Variants in EXOC4 observed in about 807,000 individuals in gnomAD.
EXOC4 encodes exocyst complex component 4, also known as SEC8-like 1.
A neutral mutation model predicts 107.2 loss-of-function variants in EXOC4; 71 were observed. The ratio of observed to expected loss-of-function variants is 0.66; its 90% CI spans 0.55 to 0.81. The LOEUF (loss-of-function observed/expected upper bound fraction) is 0.81, where lower values mean the gene tolerates loss of function less well. Among genes scored for constraint, EXOC4 ranks in the 30% least tolerant of loss-of-function variants. The pLI is 0.00. For missense variants in EXOC4, 1,108 were observed against 1,189.6 expected (o/e 0.93, Z 1.01); for synonymous variants, 456 against 441.2 (o/e 1.03, Z -0.42).
chr7:133,874,246 C>G (rs1798805354), intron 11 of EXOC4, among the ~76,000 whole-genome samples: 1 of 152,182 alleles, frequency 6.6e-6, no homozygotes, highest in South Asian at 2.1e-4. Context: ...CTCCTGTTGG[C>G]TAGCTATTTG....
chr7:133,488,245 CAGT>C lies in EXOC4; in HGVS notation c.1417+8110_1417+8112del, dbSNP rs199887334. Among the ~76,000 whole-genome samples the C allele has an allele frequency of 7.1e-3, 1,085 of 152,110 alleles. 31 individuals carry two copies. In the East Asian group the frequency reaches 0.12, roughly 17 times the overall value. On this transcript the variant is annotated intron_variant, in intron 9 of 17. Coordinates refer to ENST00000253861, the MANE Select transcript of EXOC4 (RefSeq NM_021807.4). ...GTAATGTGATATCTGGAAAATAAAA[CAGT>C]AGATTTTAGTGCTAGAAAGTGCTTT...
intron 10 of EXOC4, among the ~76,000 whole-genome samples, chr7:133,674,985 A>G (rs1794024407): frequency 6.6e-6 from 1 of 152,252 alleles, no homozygotes; most frequent in Admixed American, 6.5e-5. Flanking sequence ...GAAAAGACTC[A>G]GTCACATTAG....
At chr7:133,675,659 A>G (rs909530128) in intron 10 of EXOC4, among the ~76,000 whole-genome samples, 2 of 152,172 alleles carry the variant, frequency 1.3e-5, no homozygotes, top group Non-Finnish European at 2.9e-5. Flanking sequence ...TTTGATTTAG[A>G]GCAGACTACA....
intron 5 of EXOC4, among the ~76,000 whole-genome samples, chr7:133,340,881 G>T (rs765136567): frequency 1.3e-5 from 2 of 151,876 alleles, no homozygotes; most frequent in South Asian, 2.1e-4. Context: ...CTCCCATTTC[G>T]TGTCTAATTC....
At chr7:133,559,086 T>C (rs1563107852) in intron 9 of EXOC4, among the ~76,000 whole-genome samples, 1 of 152,224 alleles carries the variant, frequency 6.6e-6, no homozygotes, top group Non-Finnish European at 1.5e-5. Flanking sequence ...TGGTGTTTGT[T>C]TTTATCTTTC....
At chr7:133,853,374 A>T (rs937885268) in intron 11 of EXOC4, among the ~76,000 whole-genome samples, 4 of 117,150 alleles carry the variant, frequency 3.4e-5, no homozygotes, top group Non-Finnish European at 7.7e-5. Flanking sequence ...ACACACACAC[A>T]CACACACACA....
chr7:133,510,306 T>G (rs976892916), intron 9 of EXOC4, among the ~76,000 whole-genome samples: 2 of 152,234 alleles, frequency 1.3e-5, no homozygotes, highest in African/African-American at 2.4e-5. Context: ...AGTTCATTCC[T>G]TTTTATTATT....
intron 15 of EXOC4, among the ~76,000 whole-genome samples, chr7:134,004,270 T>A (rs1794592449): frequency 6.6e-6 from 1 of 152,194 alleles, no homozygotes; most frequent in African/African-American, 2.4e-5. Context: ...TGACAGCCAG[T>A]ACTTACTATG....
At chr7:133,793,183 C>G (rs1346123636) in intron 10 of EXOC4, among the ~76,000 whole-genome samples, 1 of 152,168 alleles carries the variant, frequency 6.6e-6, no homozygotes, top group Non-Finnish European at 1.5e-5. Flanking sequence ...ACAGGGAGCA[C>G]TTTCAACTCC....
intron 10 of EXOC4, among the ~76,000 whole-genome samples, chr7:133,693,442 C>A (rs1339229095): frequency 2.6e-5 from 4 of 152,138 alleles, no homozygotes; most frequent in Non-Finnish European, 4.4e-5. Context: ...GTCTGCCTCT[C>A]CCAGTTCACT....
Position 133,618,019 on chromosome 7 carries a change from G to A in EXOC4, c.1418-12026G>A, listed in dbSNP as rs532179797. On this transcript the variant is annotated intron_variant, in intron 9 of 17. Coordinates refer to ENST00000253861, the MANE Select transcript of EXOC4 (RefSeq NM_021807.4). The stretch of plus-strand genomic sequence containing the variant: ...ACACACACATGATACACAGGATAAA[G>A]TTAATCAGGATTCAGTAGAGGTGAA... Among the ~76,000 whole-genome samples the A allele has an allele frequency of 1.0e-3, 157 of 152,216 alleles. 1 individual carries two copies. Among genetic ancestry groups the A allele is most frequent in the Non-Finnish European group, 2.5e-4 (17 of 68,008 alleles).
At chr7:133,756,211 A>G (rs1311416547) in intron 10 of EXOC4, among the ~76,000 whole-genome samples, 2 of 152,248 alleles carry the variant, frequency 1.3e-5, no homozygotes, top group Non-Finnish European at 2.9e-5. Context: ...CAGAAAATAA[A>G]TCAACCATAA....
intron 7 of EXOC4, among the ~76,000 whole-genome samples, chr7:133,380,602 CTTTA>C (rs1796596317): frequency 6.6e-6 from 1 of 151,980 alleles, no homozygotes; most frequent in Non-Finnish European, 1.5e-5. Flanking sequence ...GATCTATGAT[CTTTA>C]TTTTTTTATT....
intron 17 of EXOC4, among the ~76,000 whole-genome samples, chr7:134,009,541 T>C (rs1399581458): frequency 6.6e-6 from 1 of 152,166 alleles, no homozygotes; most frequent in Non-Finnish European, 1.5e-5. Flanking sequence ...GTGTTTTCAT[T>C]AAATTCCCTG....
At chr7:133,297,036 A>G (rs1159408485) in intron 3 of EXOC4, among the ~76,000 whole-genome samples, 2 of 152,214 alleles carry the variant, frequency 1.3e-5, no homozygotes, top group Non-Finnish European at 2.9e-5. Flanking sequence ...CCTTGTCTTC[A>G]TTTAGCAACA....
chr7:133,640,340 A>G (rs1056514191), intron 10 of EXOC4, among the ~76,000 whole-genome samples: 5 of 152,176 alleles, frequency 3.3e-5, no homozygotes, highest in African/African-American at 9.7e-5. Flanking sequence ...CATGATGTCT[A>G]TGTTGGTCAT....
intron 17 of EXOC4, among the ~76,000 whole-genome samples, chr7:134,042,106 A>G (rs2116532641): frequency 6.6e-6 from 1 of 152,202 alleles, no homozygotes; most frequent in Admixed American, 6.5e-5. Context: ...CCTGCCACAA[A>G]TGTCTTAGGA....
At chr7:134,068,639 A>G (rs7780048), downstream of EXOC4, among the ~76,000 whole-genome samples, 76,438 of 152,042 alleles carry the variant, frequency 0.5, 20,972 homozygotes, top group East Asian at 0.71. Context: ...TTACATTACT[A>G]CTAATCTGGT....
rs1459117279 is a variant in EXOC4, at chr7:133,649,472, T to C, written c.1514+19331T>C. Among the ~76,000 whole-genome samples the C allele has an allele frequency of 2.5e-3, 288 of 113,150 alleles. 5 individuals carry two copies. The highest frequency in any genetic ancestry group is 0.018 in the East Asian group (64 of 3,556). The allele number at this position is 113,150 out of a possible 152,430, so 74.2% of individuals were successfully genotyped here. On this transcript the variant is annotated intron_variant, in intron 10 of 17. Coordinates refer to ENST00000253861, the MANE Select transcript of EXOC4 (RefSeq NM_021807.4). ...GTGAAGCATTACTACTTTTTCTTTTTTTTTTTTTTTTTTAACCAGTAAAGA... is the reference window on the plus strand; with the variant it reads ...GTGAAGCATTACTACTTTTTCTTTTCTTTTTTTTTTTTTAACCAGTAAAGA...
Sources: allele counts gnomAD v4.1 joint callset (sites outside exome capture counted in the v4.1 genomes callset), GRCh38; gene constraint gnomAD v4.1.1; transcripts MANE v1.5; gene names NCBI Gene and HGNC (gene_info 2026-07-23, HGNC 2026-07-21).